Variants in EIF2B3 observed in about 807,000 individuals in gnomAD.
EIF2B3 encodes eukaryotic translation initiation factor 2B subunit gamma.
EIF2B3 carries 20 observed loss-of-function variants against 54.1 expected under a neutral mutation model. The ratio of observed to expected loss-of-function variants is 0.37; its 90% CI spans 0.26 to 0.54. EIF2B3 has a LOEUF of 0.54. Among genes scored for constraint, EIF2B3 ranks in the 20% least tolerant of loss-of-function variants. EIF2B3 has a pLI of 0.86. For missense variants in EIF2B3, 448 were observed against 547.8 expected, an observed-to-expected ratio of 0.82 and a Z score of 1.82; for synonymous variants, 153 against 188.1, an observed-to-expected ratio of 0.81 and a Z score of 1.52.
chr1:44,871,080 T>C (rs1654950849), intron 10 of EIF2B3, among the ~76,000 whole-genome samples: 1 of 152,246 alleles, frequency 6.6e-6, no homozygotes, highest in Non-Finnish European at 1.5e-5. Flanking sequence ...ATGGAATTTA[T>C]ACTCTTCCCA....
intron 5 of EIF2B3, among the ~76,000 whole-genome samples, chr1:44,907,916 A>C (rs1021928178): frequency 3.8e-4 from 56 of 145,732 alleles, no homozygotes; most frequent in Middle Eastern, 7.0e-3. Context: ...AAAAAAAAAA[A>C]GATGGCCACA....
At chr1:44,886,818 T>C (rs1453208720) in intron 6 of EIF2B3, among the ~76,000 whole-genome samples, 4 of 152,218 alleles carry the variant, frequency 2.6e-5, no homozygotes, top group Non-Finnish European at 5.9e-5. Flanking sequence ...CCTCTGACCA[T>C]GAGGCATCCT....
At chr1:44,972,278 CAA>C (rs796698097) in intron 3 of EIF2B3, among the ~76,000 whole-genome samples, 1,444 of 75,768 alleles carry the variant, frequency 0.019, 32 homozygotes, top group African/African-American at 0.092. Context: ...TATACACACA[CAA>C]ACACACACAT....
At chr1:44,927,429 T>G (rs1213858937) in intron 4 of EIF2B3, among the ~76,000 whole-genome samples, 1 of 151,848 alleles carries the variant, frequency 6.6e-6, no homozygotes, top group African/African-American at 2.4e-5. Context: ...AAATGAGAAC[T>G]CACTCACTAT....
intron 3 of EIF2B3, among the ~76,000 whole-genome samples, chr1:44,967,184 C>T (rs1269545040): frequency 6.7e-5 from 10 of 148,872 alleles, no homozygotes; most frequent in African/African-American, 1.2e-4. Context: ...TGGTGGCTCA[C>T]GCTTGTAATC....
At chr1:44,959,634 G>A (rs550069943) in intron 3 of EIF2B3, among the ~76,000 whole-genome samples, 1 of 152,236 alleles carries the variant, frequency 6.6e-6, no homozygotes, top group Admixed American at 6.5e-5. Flanking sequence ...ATCTAGATAC[G>A]ACTCCCCAGC....
intron 5 of EIF2B3, among the ~76,000 whole-genome samples, chr1:44,922,178 T>C (rs1304146615): frequency 6.6e-6 from 1 of 151,240 alleles, no homozygotes; most frequent in Non-Finnish European, 1.5e-5. Context: ...CCTCCCAAAG[T>C]GCTGGAATTA....
At chr1:44,862,167 A>C (rs1252349011) in intron 10 of EIF2B3, among the ~76,000 whole-genome samples, 3 of 152,206 alleles carry the variant, frequency 2.0e-5, no homozygotes, top group African/African-American at 7.2e-5. Context: ...GTTCCAGACT[A>C]GAATTACAGC....
chr1:44,958,902 G>C, intron 3 of EIF2B3: 1 of 815,504 alleles, frequency 1.2e-6, no homozygotes, highest in Non-Finnish European at 2.1e-6. Context: ...CAAGGCTGAG[G>C]GCCATCTGAA....
chr1:44,953,456 G>A (rs1404527881), intron 3 of EIF2B3, among the ~76,000 whole-genome samples: 5 of 152,104 alleles, frequency 3.3e-5, no homozygotes, highest in African/African-American at 1.2e-4. Flanking sequence ...AGTCATCACT[G>A]AACCTAACTT....
At chr1:44,906,759 G>A (rs1398104298) in intron 5 of EIF2B3, among the ~76,000 whole-genome samples, 1 of 152,098 alleles carries the variant, frequency 6.6e-6, no homozygotes, top group Non-Finnish European at 1.5e-5. Context: ...TTCAACAGCT[G>A]GGCAAATAAC....
At chr1:44,883,499 A>G (rs958720600) in intron 6 of EIF2B3, among the ~76,000 whole-genome samples, 10 of 151,974 alleles carry the variant, frequency 6.6e-5, no homozygotes, top group African/African-American at 2.2e-4. Flanking sequence ...GGATGACTCC[A>G]CTGGGACCAG....
Position 44,881,814 on chromosome 1 carries a change from C to A in EIF2B3, c.657-75G>T. 1 of 1,584,586 alleles carries A rather than the reference C, an allele frequency of 6.3e-7. No individual in the cohort carries two copies. The highest frequency in any genetic ancestry group is 8.6e-7 in the Non-Finnish European group (1 of 1,160,324). On this transcript the variant is annotated intron_variant, in intron 6 of 11. Transcript: ENST00000360403. The surrounding 1 kb of genome is among the most constrained non-coding windows in gnomAD (Gnocchi z 4.0). ...ACCCGGATCAAAAGCTCTGTGCATA[C>A]AAGGAAAAGCCAAATCCTTTCCTGT...
chr1:44,866,860 T>G (rs1654801358), intron 10 of EIF2B3, among the ~76,000 whole-genome samples: 1 of 152,232 alleles, frequency 6.6e-6, no homozygotes, highest in South Asian at 2.1e-4. Flanking sequence ...TGGCCGGCTA[T>G]GACATCTTAA....
chr1:44,872,859 T>C (rs1655008313), intron 10 of EIF2B3, among the ~76,000 whole-genome samples: 1 of 152,196 alleles, frequency 6.6e-6, no homozygotes, highest in Non-Finnish European at 1.5e-5. Flanking sequence ...TTAAGACTTA[T>C]GTCGTTTTGT....
Position 44,881,737 on chromosome 1 carries a change from G to A in EIF2B3, c.659C>T (p.Ser220Leu). The A allele has an allele frequency of 6.2e-7, 1 of 1,613,968 alleles. No individual in the cohort carries two copies. Among genetic ancestry groups the A allele is most frequent in the Non-Finnish European group, 8.5e-7 (1 of 1,179,916 alleles). Reference protein sequence around the residue: ...YIVDFLMENGSITSIRSELIP... With the variant: ...YIVDFLMENGLITSIRSELIP... ...CAGTTCACTCCGGATAGAAGTTATTGACCTAGAAAGAAAGAATGGCCAAAT... is the reference window on the plus strand; with the variant it reads ...CAGTTCACTCCGGATAGAAGTTATTAACCTAGAAAGAAAGAATGGCCAAAT... Residue 220 changes from serine (S) to leucine (L), a missense_variant and splice_region_variant, in exon 7 of 12, where the codon TCA (serine) becomes TTA (leucine). This residue lies in a region of EIF2B3 where 350 missense variants were observed against 414.2 expected (regional missense o/e 0.85). Coordinates refer to ENST00000360403, the MANE Select transcript of EIF2B3 (RefSeq NM_020365.5). The surrounding 1 kb of genome is among the most constrained non-coding windows in gnomAD (Gnocchi z 4.0).
In EIF2B3 at chr1:44,956,423, C is replaced by G. The variant is rs1408713311; in HGVS notation, c.295-14758G>C. On this transcript the variant is annotated intron_variant, in intron 3 of 11. Coordinates refer to ENST00000360403, the MANE Select transcript of EIF2B3 (RefSeq NM_020365.5). ...GAGAAATACCTAATGTAGATGTGGG[C>G]TGATGGGTGCAGCAAACCACCATGG... is the stretch of plus-strand genomic sequence containing the variant. Among the ~76,000 whole-genome samples, 3 of 151,892 alleles carry G rather than the reference C, an allele frequency of 2.0e-5. No homozygotes were observed. In the East Asian group the frequency reaches 5.8e-4, roughly 29 times the overall value.
At chr1:44,972,911 T>C (rs1409467901) in intron 3 of EIF2B3, among the ~76,000 whole-genome samples, 1 of 151,912 alleles carries the variant, frequency 6.6e-6, no homozygotes, top group African/African-American at 2.4e-5. Context: ...TGTGGCAACA[T>C]ATGCCCATGG....
Position 44,923,529 on chromosome 1 carries a change from A to G in EIF2B3, c.566+3099T>C, listed in dbSNP as rs1314971387. Reference sequence around the variant, plus strand: ...TTGTTAGCAGTTATAAAATTTCACAATGATAACCTTGGTATGTTTCTTTTC... The same window carrying G: ...TTGTTAGCAGTTATAAAATTTCACAGTGATAACCTTGGTATGTTTCTTTTC... On this transcript the variant is annotated intron_variant, in intron 5 of 11. Coordinates refer to ENST00000360403, the MANE Select transcript of EIF2B3 (RefSeq NM_020365.5). Among the ~76,000 whole-genome samples, 3 of 152,164 alleles carry G rather than the reference A, an allele frequency of 2.0e-5. No individual in the cohort carries two copies. In the South Asian group the frequency reaches 6.2e-4, roughly 31 times the overall value.
Sources: allele counts gnomAD v4.1 joint callset (sites outside exome capture counted in the v4.1 genomes callset), GRCh38; gene constraint gnomAD v4.1.1; regional missense constraint gnomAD v4.1.1; non-coding constraint Gnocchi (gnomAD v3.1); transcripts MANE v1.5; gene names NCBI Gene and HGNC (gene_info 2026-07-23, HGNC 2026-07-21).